ARHGAP23: variants seen among roughly 807,000 people sequenced by gnomAD.
ARHGAP23 encodes rho GTPase-activating protein 23.
Under a neutral mutation model 136.3 loss-of-function variants are expected in ARHGAP23, and 34 were observed. The observed-to-expected ratio is 0.25, with a 90% CI of 0.19 to 0.33. The LOEUF (loss-of-function observed/expected upper bound fraction) is 0.33. Among genes scored for constraint, ARHGAP23 ranks in the 10% least tolerant of loss-of-function variants. The pLI, the probability that ARHGAP23 is intolerant of heterozygous loss-of-function variation, is 1.00. For missense variants in ARHGAP23, 1,808 were observed against 2,139.0 expected, an observed-to-expected ratio of 0.85 and a Z score of 3.05; for synonymous variants, 832 against 920.5, an observed-to-expected ratio of 0.90 and a Z score of 1.74.
chr17:38,498,329 G>GCTCTGTCA, intron 21 of ARHGAP23, 85 bp from the exon 22 acceptor site: 1 of 1,048,858 alleles, frequency 9.5e-7, no homozygotes, highest in South Asian at 1.6e-5. Flanking sequence ...GGAGACATGG[G>GCTCTGTCA]CTCTGTCATC....
At position 38,467,139 on chromosome 17, in the gene ARHGAP23, G is replaced by A. The variant is rs765234262; in HGVS notation, c.1456G>A (p.Gly486Ser). The A allele has an allele frequency of 1.8e-5, 28 of 1,549,468 alleles. No individual in the cohort carries two copies. The highest frequency in any genetic ancestry group is 1.6e-5 in the Non-Finnish European group (18 of 1,146,320). Residue 486 changes from glycine to serine, a missense_variant, in exon 7 of 24, where the codon GGC becomes AGC. Gly to Ser is a moderately conservative substitution (Grantham distance 56). Around this residue, in one of 7 missense-constraint regions of ARHGAP23, gnomAD observed 859 missense variants for 936.4 expected, o/e 0.92. Coordinates refer to ENST00000622683, the MANE Select transcript of ARHGAP23 (RefSeq NM_001199417.2). Reference protein sequence around the residue: ...RALEPPAEDRGDEVVLRQKPP... With the variant: ...RALEPPAEDRSDEVVLRQKPP... Reference sequence around the variant, plus strand: ...CCTGGAGCCTCCTGCGGAGGATCGCGGCGATGAGGTGGTCCTGAGGCAGAA... The same window carrying A: ...CCTGGAGCCTCCTGCGGAGGATCGCAGCGATGAGGTGGTCCTGAGGCAGAA...
rs562257674 is a variant in ARHGAP23 at position 38,467,184 on chromosome 17, G to C, written c.1501G>C (p.Val501Leu). The C allele has an allele frequency of 1.9e-6, 3 of 1,550,422 alleles. No individual in the cohort carries two copies. The highest frequency in any genetic ancestry group is 2.6e-6 in the Non-Finnish European group (3 of 1,146,678). Reference protein sequence around the residue: ...LRQKPPTGRKVQLTPARQMNL... With the variant: ...LRQKPPTGRKLQLTPARQMNL... ...GCAGAAGCCCCCGACGGGCCGCAAG[G>C]TTCAGCTGACCCCCGCAAGACAGAT... Residue 501 changes from valine to leucine, a missense_variant, in exon 7 of 24, where the codon GTT becomes CTT. By Grantham distance (32) the Val-to-Leu change is conservative. Coordinates refer to ENST00000622683, the MANE Select transcript of ARHGAP23 (RefSeq NM_001199417.2).
intron 1 of ARHGAP23, 51 bp downstream of exon 1, chr17:38,428,599 C>G: frequency 3.2e-6 from 4 of 1,261,768 alleles, no homozygotes; most frequent in South Asian, 4.0e-5. Flanking sequence ...TGCTGGGGAG[C>G]GGGCTGCCAA....
intron 1 of ARHGAP23, 43 bp downstream of exon 1, chr17:38,428,591 C>A: frequency 7.7e-7 from 1 of 1,301,868 alleles, no homozygotes; most frequent in Non-Finnish European, 9.9e-7. Flanking sequence ...CCGGTAGCTG[C>A]TGGGGAGCGG....
chr17:38,462,935 C>T lies in ARHGAP23; in HGVS notation c.343C>T (p.Arg115Cys), dbSNP rs201978800. 1.3e-3 allele frequency: 2,074 copies of T among 1,542,898 alleles called. 4 individuals are homozygous for T. The highest frequency in any genetic ancestry group is 2.0e-3 in the Middle Eastern group (12 of 5,954). ...CGGCCCTGCCCATAGGGCGGGGCTT[C>T]GCACAGGTGAGCTGGCCCAGTTACC... The part of the protein sequence containing the change: ...EDGPAHRAGL[R>C]TGDRLVKVNG... The change falls in exon 4 of 24, where the codon CGC becomes TGC. Residue 115 changes from arginine (R) to cysteine (C), a missense_variant. This residue lies in a region of ARHGAP23 where 859 missense variants were observed against 936.4 expected (regional missense o/e 0.92). Transcript: ENST00000622683.
intron 1 of ARHGAP23, chr17:38,451,771 A>T (rs986610887): frequency 3.3e-5 from 5 of 152,396 alleles, no homozygotes; most frequent in African/African-American, 1.2e-4. Flanking sequence ...GGAGAGTATG[A>T]CGGAGTCACA....
intron 1 of ARHGAP23, among the ~76,000 whole-genome samples, chr17:38,453,382 TTCTC>T (rs141651293): frequency 0.13 from 19,326 of 149,090 alleles, 1,498 homozygotes; most frequent in Middle Eastern, 0.26. Context: ...GTGTGGCTGT[TTCTC>T]TGGGTGGATG....
At chr17:38,428,647 T>C in intron 1 of ARHGAP23, 99 bp downstream of exon 1, 1 of 823,226 alleles carries the variant, frequency 1.2e-6, no homozygotes. Flanking sequence ...CTGCACAGCC[T>C]GGGGCGCACG....
At chr17:38,509,682 C>T (rs2040710596) in intron 23 of ARHGAP23, among the ~76,000 whole-genome samples, 1 of 152,184 alleles carries the variant, frequency 6.6e-6, no homozygotes, top group African/African-American at 2.4e-5. Context: ...ATACGGAAAA[C>T]AGAATGGAAG....
chr17:38,463,233 C>T, intron 5 of ARHGAP23, 37 bp downstream of exon 5: 1 of 1,550,794 alleles, frequency 6.4e-7, no homozygotes, highest in Non-Finnish European at 8.7e-7. Context: ...TATTATCTCC[C>T]CTCCCCTTTG....
At chr17:38,480,630 T>C (rs1031474064) in intron 14 of ARHGAP23, among the ~76,000 whole-genome samples, 3 of 148,026 alleles carry the variant, frequency 2.0e-5, no homozygotes, top group African/African-American at 7.5e-5. Context: ...CGAGACTCCA[T>C]CTCAAAAAAA....
intron 14 of ARHGAP23, among the ~76,000 whole-genome samples, chr17:38,481,256 C>T (rs2040033526): frequency 1.3e-5 from 2 of 152,124 alleles, no homozygotes; most frequent in South Asian, 2.1e-4. Flanking sequence ...ACGCCATTCT[C>T]CTGCCTCAGC....
At chr17:38,490,333 G>A (rs534583658) in intron 18 of ARHGAP23, 129 bp from the exon 19 acceptor site, 42 of 1,097,406 alleles carry the variant, frequency 3.8e-5, no homozygotes, top group Non-Finnish European at 5.1e-5. Context: ...ACAAGAGAAC[G>A]GGGGGTTAGA....
chr17:38,481,767 G>C (rs1210103998), intron 14 of ARHGAP23, among the ~76,000 whole-genome samples: 1 of 152,202 alleles, frequency 6.6e-6, no homozygotes, highest in East Asian at 1.9e-4. Flanking sequence ...AAGAAACAAA[G>C]TTCTATGGCT....
intron 7 of ARHGAP23, 32 bp downstream of exon 7, chr17:38,467,363 G>T: frequency 6.9e-7 from 1 of 1,450,252 alleles, no homozygotes; most frequent in Non-Finnish European, 9.1e-7. Flanking sequence ...TGTCCTGGGG[G>T]ACTTAGCTGT....
chr17:38,494,340 G>A (rs1048233439), intron 20 of ARHGAP23, among the ~76,000 whole-genome samples: 1 of 152,182 alleles, frequency 6.6e-6, no homozygotes, highest in Non-Finnish European at 1.5e-5. Context: ...GTGTGAGAAC[G>A]GACTGTCATC....
intron 11 of ARHGAP23, among the ~76,000 whole-genome samples, chr17:38,475,354 G>A (rs1368379921): frequency 1.3e-5 from 2 of 152,230 alleles, no homozygotes; most frequent in Middle Eastern, 6.3e-3. Flanking sequence ...CGGTTGACTT[G>A]TCCTAGGTTA....
rs1441205931 is a variant in ARHGAP23 at position 38,482,677 on chromosome 17, A to T, written c.2906A>T (p.Glu969Val). 3 of 1,546,032 alleles carry T rather than the reference A, an allele frequency of 1.9e-6. No individual in the cohort carries two copies. The highest frequency in any genetic ancestry group is 1.4e-5 in the African/African-American group (1 of 72,876). ...CCTGGTGACATCAACCTGCAGGATG[A>T]GGTGGGTGAAGCTGGGGGGTCTGTG... is the stretch of plus-strand genomic sequence containing the variant. The part of the protein sequence containing the change: ...RGPGDINLQD[E>V]RWQDLNVISS... Residue 969 changes from glutamate to valine, a missense_variant and splice_region_variant, in exon 16 of 24, where the codon GAG becomes GTG. By Grantham distance (121) the Glu-to-Val change is moderately radical. Around this residue, in one of 7 missense-constraint regions of ARHGAP23, gnomAD observed 105 missense variants for 200.6 expected, o/e 0.52. Coordinates refer to ENST00000622683, the MANE Select transcript of ARHGAP23 (RefSeq NM_001199417.2).
intron 16 of ARHGAP23, among the ~76,000 whole-genome samples, chr17:38,483,142 C>T (rs1446908281): frequency 1.3e-5 from 2 of 152,224 alleles, no homozygotes; most frequent in Non-Finnish European, 1.5e-5. Flanking sequence ...TCTCTTCCTC[C>T]TCCTTCTCTT....
Sources: gnomAD v4.1 joint callset for allele counts (sites outside exome capture counted in the v4.1 genomes callset) on GRCh38, gnomAD v4.1.1 for gene constraint, gnomAD v4.1.1 regional missense constraint, MANE v1.5 for transcripts, NCBI Gene and HGNC (gene_info 2026-07-23, HGNC 2026-07-21) for gene names.